The following TREM1 variants were observed in gnomAD, a reference collection of about 807,000 sequenced individuals.
TREM1 encodes the protein triggering receptor expressed on myeloid cells 1, also known as triggering receptor expressed on monocytes 1.
In TREM1, 16 loss-of-function variants were observed where a neutral mutation model predicts 22.4. That is an observed-to-expected ratio of 0.71 (90% confidence interval 0.48 to 1.08). The LOEUF (loss-of-function observed/expected upper bound fraction) is 1.08. TREM1 is among the 50% of genes least tolerant of loss of function. The pLI is 0.00. For synonymous variants in TREM1, 110 were observed against 111.6 expected, an observed-to-expected ratio of 0.99 and a Z score of 0.09; for missense variants, 283 against 282.9, an observed-to-expected ratio of 1.00 and a Z score of 0.00.
chr6:41,283,717 A>C (rs200696112), intron 1 of TREM1, among the ~76,000 whole-genome samples: 1,823 of 123,786 alleles, frequency 0.015, 22 homozygotes, highest in South Asian at 0.064. Flanking sequence ...GTTAAAAAAA[A>C]AAACACACAC....
chr6:41,271,328 T>A (rs1767474830), downstream of TREM1, among the ~76,000 whole-genome samples: 1 of 152,192 alleles, frequency 6.6e-6, no homozygotes, highest in African/African-American at 2.4e-5. Context: ...CGGTTCCATT[T>A]ACAGTGAGGA....
intron 1 of TREM1, among the ~76,000 whole-genome samples, chr6:41,283,719 A>ACACACACGC (rs1554147926): frequency 2.0e-5 from 3 of 146,940 alleles, no homozygotes; most frequent in African/African-American, 7.6e-5. Flanking sequence ...TAAAAAAAAA[A>ACACACACGC]ACACACACAC....
chr6:41,270,859 C>T (rs1767463129), downstream of TREM1, among the ~76,000 whole-genome samples: 1 of 152,152 alleles, frequency 6.6e-6, no homozygotes, highest in Non-Finnish European at 1.5e-5. Flanking sequence ...GCGTGTGCCA[C>T]CATGTCCAGC....
chr6:41,268,047 T>C (rs1229065385), exon 4 of TREM1: 5 of 398,514 alleles, frequency 1.3e-5, no homozygotes, highest in Non-Finnish European at 2.2e-5. Context: ...AGGATGGGAT[T>C]CCACATCCAG....
intron 1 of TREM1, among the ~76,000 whole-genome samples, chr6:41,284,256 G>A (rs1167256837): frequency 6.6e-6 from 1 of 152,154 alleles, no homozygotes; most frequent in African/African-American, 2.4e-5. Flanking sequence ...ACATCTAATG[G>A]ATACCAGGCT....
intron 2 of TREM1, chr6:41,281,415 G>A: frequency 2.1e-6 from 1 of 480,016 alleles, no homozygotes; most frequent in Non-Finnish European, 3.7e-6. Flanking sequence ...CAGGAAGTGA[G>A]GGAGAGCAGA....
chr6:41,282,632 T>C lies in TREM1; in HGVS notation c.169A>G (p.Ile57Val). Reference sequence around the variant, plus strand: ...TTGGGCATCTCTCCGTCCCTTATTATCTGCCAAGCTTTCTGGCTGCTGGCA... The same window carrying C: ...TTGGGCATCTCTCCGTCCCTTATTACCTGCCAAGCTTTCTGGCTGCTGGCA... The part of the protein sequence containing the change: ...KFASSQKAWQ[I>V]IRDGEMPKTL... The change falls in exon 2 of 4, where the codon ATA becomes GTA. Residue 57 changes from isoleucine to valine, a missense_variant. Transcript: ENST00000244709. The C allele has an allele frequency of 6.2e-7, 1 of 1,614,228 alleles. No homozygotes were observed. Among genetic ancestry groups the C allele is most frequent in the Non-Finnish European group, 8.5e-7 (1 of 1,180,036 alleles).
intron 3 of TREM1, chr6:41,280,296 T>C: frequency 1.0e-6 from 1 of 983,586 alleles, no homozygotes; most frequent in Non-Finnish European, 1.2e-6. Context: ...ATTGCTAAGT[T>C]AGTGGTTCTT....
At chr6:41,268,470 C>G (rs2113966257) in intron 3 of TREM1, among the ~76,000 whole-genome samples, 1 of 152,324 alleles carries the variant, frequency 6.6e-6, no homozygotes, top group Middle Eastern at 3.4e-3. Context: ...ATGATGGATT[C>G]ATACCAGAAG....
chr6:41,278,987 A>C (rs1218595184), intron 3 of TREM1, among the ~76,000 whole-genome samples: 3 of 152,162 alleles, frequency 2.0e-5, no homozygotes, highest in Non-Finnish European at 4.4e-5. Flanking sequence ...CAATTAACAT[A>C]AACTTTCTAA....
At chr6:41,272,014 G>A (rs552855310), downstream of TREM1, among the ~76,000 whole-genome samples, 1 of 152,322 alleles carries the variant, frequency 6.6e-6, no homozygotes, top group Admixed American at 6.5e-5. Context: ...TGTGCTGTCT[G>A]CCGGCTGGCC....
chr6:41,280,108 A>G, intron 3 of TREM1: 1 of 931,910 alleles, frequency 1.1e-6, no homozygotes. Flanking sequence ...GTATAATTAG[A>G]CTTACTGCCA....
At chr6:41,268,525 A>C (rs1767395807) in intron 3 of TREM1, among the ~76,000 whole-genome samples, 1 of 152,200 alleles carries the variant, frequency 6.6e-6, no homozygotes, top group Admixed American at 6.5e-5. Flanking sequence ...ACTTTGCTAC[A>C]TGTGAAATAT....
chr6:41,281,378 C>T (rs1035447605), intron 2 of TREM1: 7 of 469,610 alleles, frequency 1.5e-5, no homozygotes, highest in Middle Eastern at 1.1e-3. Flanking sequence ...AGTCAGAAAT[C>T]GAAAAAAGGA....
chr6:41,267,430 A>G (rs1322550007), downstream of TREM1, among the ~76,000 whole-genome samples: 1 of 152,246 alleles, frequency 6.6e-6, no homozygotes, highest in Non-Finnish European at 1.5e-5. Context: ...TCTACAACAG[A>G]GTGAAATGTG....
At chr6:41,278,175 C>G (rs1767745252) in intron 3 of TREM1, among the ~76,000 whole-genome samples, 1 of 151,846 alleles carries the variant, frequency 6.6e-6, no homozygotes, top group African/African-American at 2.4e-5. Flanking sequence ...ATTCTCCCAC[C>G]TCAGCCTGCC....
chr6:41,268,130 A>G (rs1033059494), intron 3 of TREM1: 6 of 398,446 alleles, frequency 1.5e-5, no homozygotes, highest in African/African-American at 1.2e-4. Flanking sequence ...CAGGGAGCCC[A>G]TACAGGAGAT....
Position 41,284,134 on chromosome 6 carries a change from G to C in TREM1, c.50-1383C>G, listed in dbSNP as rs149112461. Among the ~76,000 whole-genome samples, 712 of 152,172 alleles carry C rather than the reference G, an allele frequency of 4.7e-3. 3 individuals carry two copies. Among genetic ancestry groups the C allele is most frequent in the African/African-American group, 0.014 (600 of 41,534 alleles). On this transcript the variant is annotated intron_variant, in intron 1 of 3. Transcript: ENST00000244709. ...TTTGATGTCACGGAGTCACAGCAGTGGTTCTCCACTGGGGAGCAATTTTTG... is the reference window on the plus strand; with the variant it reads ...TTTGATGTCACGGAGTCACAGCAGTCGTTCTCCACTGGGGAGCAATTTTTG...
chr6:41,282,319 C>A, intron 2 of TREM1, 76 bp downstream of exon 2: 1 of 1,194,238 alleles, frequency 8.4e-7, no homozygotes, highest in Non-Finnish European at 1.2e-6. Flanking sequence ...TCCTGAACCC[C>A]AGCTCTGCTG....
Sources: gnomAD v4.1 joint callset for allele counts (sites outside exome capture counted in the v4.1 genomes callset) on GRCh38, gnomAD v4.1.1 for gene constraint, MANE v1.5 for transcripts, NCBI Gene and HGNC (gene_info 2026-07-23, HGNC 2026-07-21) for gene names.